Variants in PCDH7 observed in about 807,000 individuals in gnomAD.
The protein encoded by PCDH7 is protocadherin-7.
Under a neutral mutation model 58.9 loss-of-function variants are expected in PCDH7, and 17 were observed. The observed-to-expected ratio is 0.29, with a 90% CI of 0.20 to 0.43. The LOEUF is 0.43. Ranked by LOEUF, PCDH7 falls within the 20% of genes least tolerant of loss-of-function variation. The pLI, the probability that PCDH7 is intolerant of heterozygous loss-of-function variation, is 1.00. For missense variants in PCDH7, 1,274 were observed against 1,441.0 expected, an observed-to-expected ratio of 0.88 and a Z score of 1.88; for synonymous variants, 664 against 616.4, an observed-to-expected ratio of 1.08 and a Z score of -1.14.
At chr4:30,848,348 A>G (rs903003451) in intron 1 of PCDH7, among the ~76,000 whole-genome samples, 4 of 152,154 alleles carry the variant, frequency 2.6e-5, no homozygotes, top group African/African-American at 9.6e-5. Flanking sequence ...GTAATATGTC[A>G]TCAGGTGATT....
chr4:31,037,144 G>T (rs774277276), intron 3 of PCDH7, among the ~76,000 whole-genome samples: 1 of 151,908 alleles, frequency 6.6e-6, no homozygotes, highest in African/African-American at 2.4e-5. Flanking sequence ...CATCTCCTGC[G>T]TTTTGAGTTA....
chr4:30,854,771 G>A (rs1019321877), intron 1 of PCDH7, among the ~76,000 whole-genome samples: 1 of 152,032 alleles, frequency 6.6e-6, no homozygotes, highest in Non-Finnish European at 1.5e-5. Flanking sequence ...ATGGATATTA[G>A]TTTGAAGGAC....
intron 3 of PCDH7, among the ~76,000 whole-genome samples, chr4:31,036,966 G>A (rs6844794): frequency 0.62 from 94,322 of 151,924 alleles, 31,956 homozygotes; most frequent in African/African-American, 0.9. Context: ...CTTATTCACT[G>A]TCACAAGAAT....
At chr4:30,854,826 C>T (rs1017171144) in intron 1 of PCDH7, among the ~76,000 whole-genome samples, 5 of 151,844 alleles carry the variant, frequency 3.3e-5, no homozygotes, top group African/African-American at 1.2e-4. Context: ...GGATGATGGC[C>T]ATAATACATT....
chr4:31,039,231 A>G (rs1421915702), intron 3 of PCDH7, among the ~76,000 whole-genome samples: 1 of 152,224 alleles, frequency 6.6e-6, no homozygotes, highest in African/African-American at 2.4e-5. Flanking sequence ...GTGTTAGGAT[A>G]TTTGAATGTC....
At chr4:30,972,083 C>A (rs1021904420) in intron 3 of PCDH7, among the ~76,000 whole-genome samples, 1 of 152,160 alleles carries the variant, frequency 6.6e-6, no homozygotes, top group Non-Finnish European at 1.5e-5. Context: ...AAGCCTCAGG[C>A]TGTGTGATAT....
At chr4:31,125,506 A>G (rs553160903) in intron 3 of PCDH7, among the ~76,000 whole-genome samples, 2 of 152,334 alleles carry the variant, frequency 1.3e-5, no homozygotes, top group South Asian at 4.1e-4. Context: ...CCCCTGGCAT[A>G]TGATGGTTTG....
At chr4:30,806,969 C>G (rs907901551) in intron 1 of PCDH7, among the ~76,000 whole-genome samples, 2 of 152,124 alleles carry the variant, frequency 1.3e-5, no homozygotes, top group African/African-American at 4.8e-5. Context: ...TTGTATTTCA[C>G]TATTAGACAG....
chr4:31,039,913 TA>T (rs1324464461), intron 3 of PCDH7, among the ~76,000 whole-genome samples: 4 of 152,106 alleles, frequency 2.6e-5, no homozygotes, highest in Admixed American at 2.6e-4. Flanking sequence ...ACATTCAAAC[TA>T]AGATTGTTCT....
intron 1 of PCDH7, among the ~76,000 whole-genome samples, chr4:30,749,447 G>A (rs761930854): frequency 9.9e-5 from 15 of 152,070 alleles, no homozygotes; most frequent in Non-Finnish European, 1.6e-4. Context: ...ACTCTGAAAC[G>A]CATTAAGCAT....
rs753648074 is a variant in PCDH7 at position 31,124,612 on chromosome 4, ATTAT to A, written c.*8-17855_*8-17852del. Among the ~76,000 whole-genome samples, 3 of 152,156 alleles carry A rather than the reference ATTAT, an allele frequency of 2.0e-5. No homozygotes were observed. In the East Asian group the frequency reaches 5.8e-4, roughly 29 times the overall value. ...ACATAGCTTTTCCCCATTCCTACAG[ATTAT>A]TTATTAGATTTATGGATTGTGACCG... On this transcript the variant is annotated intron_variant, in intron 3 of 3. Transcript: ENST00000509759.
intron 2 of PCDH7, among the ~76,000 whole-genome samples, chr4:30,932,151 G>T (rs1309769627): frequency 1.3e-5 from 2 of 152,146 alleles, no homozygotes; most frequent in African/African-American, 4.8e-5. Context: ...TACTATGTAA[G>T]TAGGTGTGCT....
intron 2 of PCDH7, among the ~76,000 whole-genome samples, chr4:30,943,711 A>AT (rs977371247): frequency 1.6e-4 from 24 of 148,218 alleles, no homozygotes; most frequent in South Asian, 2.1e-4. Flanking sequence ...ACATTATGAG[A>AT]TTTTTTTTTG....
At chr4:31,003,886 G>A (rs777769456) in intron 3 of PCDH7, among the ~76,000 whole-genome samples, 1 of 152,112 alleles carries the variant, frequency 6.6e-6, no homozygotes, top group Non-Finnish European at 1.5e-5. Context: ...TTTCTGATTA[G>A]GGACTCAATC....
chr4:30,973,704 AT>A (rs896637697), intron 3 of PCDH7, among the ~76,000 whole-genome samples: 221 of 149,558 alleles, frequency 1.5e-3, no homozygotes, highest in African/African-American at 5.1e-3. Flanking sequence ...ACAGTCTCCA[AT>A]TTTTTTTTTA....
chr4:31,105,760 C>A (rs1715473459), intron 3 of PCDH7, among the ~76,000 whole-genome samples: 1 of 152,124 alleles, frequency 6.6e-6, no homozygotes, highest in Admixed American at 6.6e-5. Context: ...GTAATCCCAG[C>A]ACTTTAGGAG....
intron 1 of PCDH7, among the ~76,000 whole-genome samples, chr4:30,742,861 T>G (rs2109250066): frequency 6.6e-6 from 1 of 152,288 alleles, no homozygotes; most frequent in African/African-American, 2.4e-5. Context: ...GCCACATAAC[T>G]TACCATACAA....
chr4:30,863,570 A>T (rs1734487320), intron 1 of PCDH7, among the ~76,000 whole-genome samples: 2 of 152,094 alleles, frequency 1.3e-5, no homozygotes, highest in African/African-American at 4.8e-5. Flanking sequence ...CCAGGGCAAG[A>T]ATTAGCCTTC....
At chr4:30,838,144 T>C (rs566094042) in intron 1 of PCDH7, among the ~76,000 whole-genome samples, 1 of 152,002 alleles carries the variant, frequency 6.6e-6, no homozygotes, top group South Asian at 2.1e-4. Flanking sequence ...CCTTAAAATC[T>C]TAGGGAATTC....
Sources: allele counts gnomAD v4.1 joint callset (sites outside exome capture counted in the v4.1 genomes callset), GRCh38; gene constraint gnomAD v4.1.1; transcripts MANE v1.5; gene names NCBI Gene and HGNC (gene_info 2026-07-23, HGNC 2026-07-21).